SVEP1: variants seen among roughly 807,000 people sequenced by gnomAD.
The protein encoded by SVEP1 is sushi, von Willebrand factor type A, EGF and pentraxin domain-containing protein 1.
A neutral mutation model predicts 367.3 loss-of-function variants in SVEP1; 164 were observed. That is an observed-to-expected ratio of 0.45 (90% CI 0.39 to 0.51). SVEP1 has a LOEUF of 0.51. SVEP1 is among the 20% of genes least tolerant of loss of function. The pLI is 0.00. For synonymous variants in SVEP1, 1,666 were observed against 1,611.6 expected (o/e 1.03, Z -0.81); for missense variants, 4,117 against 4,425.3 (o/e 0.93, Z 1.98).
At position 110,431,822 on chromosome 9, in the gene SVEP1, C is replaced by T. The variant is rs917721334; in HGVS notation, c.5353+93G>A. The T allele has an allele frequency of 4.0e-6, 6 of 1,510,372 alleles. No individual in the cohort carries two copies. In the East Asian group the frequency reaches 7.2e-5, roughly 18 times the overall value. 93.6% of individuals were successfully genotyped at this position (1,510,372 alleles called of 1,614,324 possible). On this transcript the variant is annotated intron_variant, in intron 32 of 47. Coordinates refer to ENST00000374469, the MANE Select transcript of SVEP1 (RefSeq NM_153366.4). ...ACCTGTATGCCCTTTGAAGTTGAAACAATTATCTCACTTAGAAATAACATA... is the reference window on the plus strand; with the variant it reads ...ACCTGTATGCCCTTTGAAGTTGAAATAATTATCTCACTTAGAAATAACATA...
Position 110,369,981 on chromosome 9 carries a change from A to G in SVEP1, c.10636T>C (p.Cys3546Arg), listed in dbSNP as rs773410490. ...CQSPCLNGGK[C>R]VRPNRCHCLS... Reference sequence around the variant, plus strand: ...CAGTGACATCGGTTTGGTCTTACACATTTTCCACCATTTAAGCAGGGAGAC... The same window carrying G: ...CAGTGACATCGGTTTGGTCTTACACGTTTTCCACCATTTAAGCAGGGAGAC... The change falls in exon 47 of 48, where the codon TGT (cysteine) becomes CGT (arginine). Residue 3546 changes from cysteine (C) to arginine (R), a missense_variant. Physicochemically the swap from Cys to Arg is radical, Grantham distance 180 (BLOSUM62 -3). Transcript: ENST00000374469. 2.5e-6 allele frequency: 4 copies of G among 1,613,118 alleles called. No individual in the cohort carries two copies. In the African/African-American group the frequency reaches 5.3e-5, roughly 22 times the overall value.
In SVEP1 at chr9:110,471,613, A is replaced by C. The variant is rs773950167; in HGVS notation, c.2765-16T>G. On this transcript the variant is annotated splice_polypyrimidine_tract_variant and intron_variant, in intron 15 of 47. Coordinates refer to ENST00000374469, the MANE Select transcript of SVEP1 (RefSeq NM_153366.4). Reference sequence around the variant, plus strand: ...GGCACACTAGCTGAGATAAAAACAAAATAAAACACAACACAAACACATGGT... The same window carrying C: ...GGCACACTAGCTGAGATAAAAACAACATAAAACACAACACAAACACATGGT... 2 of 1,581,652 alleles carry C rather than the reference A, an allele frequency of 1.3e-6. No individual in the cohort carries two copies. The highest frequency in any genetic ancestry group is 1.7e-6 in the Non-Finnish European group (2 of 1,154,352).
intron 36 of SVEP1, among the ~76,000 whole-genome samples, chr9:110,423,860 C>T (rs185621220): frequency 6.6e-6 from 1 of 152,220 alleles, no homozygotes; most frequent in Non-Finnish European, 1.5e-5. Context: ...CTTTCAATAA[C>T]CCTTTGGAAG....
At chr9:110,437,187 T>C (rs79906197) in intron 27 of SVEP1, among the ~76,000 whole-genome samples, 5,399 of 152,122 alleles carry the variant, frequency 0.035, 90 homozygotes, top group Middle Eastern at 0.058. Flanking sequence ...CAGCATGAGA[T>C]AAGAAAAAGG....
chr9:110,556,047 A>T (rs1207784635), intron 1 of SVEP1, among the ~76,000 whole-genome samples: 1 of 152,218 alleles, frequency 6.6e-6, no homozygotes, highest in Non-Finnish European at 1.5e-5. Flanking sequence ...TGAATGAGAC[A>T]AACCCTCTGC....
intron 35 of SVEP1, among the ~76,000 whole-genome samples, chr9:110,428,427 C>CACAT (rs1554714275): frequency 1.0e-5 from 1 of 98,028 alleles, no homozygotes; most frequent in African/African-American, 4.2e-5. Context: ...CACACACACA[C>CACAT]ACCATTAATC....
intron 36 of SVEP1, among the ~76,000 whole-genome samples, chr9:110,412,970 G>T (rs1828065691): frequency 6.6e-6 from 1 of 151,502 alleles, no homozygotes. Context: ...AACCATTGTG[G>T]AAGTCAGTGT....
intron 1 of SVEP1, among the ~76,000 whole-genome samples, chr9:110,558,866 A>G (rs1403086512): frequency 6.6e-6 from 1 of 152,122 alleles, no homozygotes; most frequent in Non-Finnish European, 1.5e-5. Context: ...TTTCTCGTTT[A>G]TGTGATAAGG....
chr9:110,484,201 C>G (rs73655379), intron 9 of SVEP1, among the ~76,000 whole-genome samples: 4,282 of 152,152 alleles, frequency 0.028, 192 homozygotes, highest in African/African-American at 0.098. Context: ...GTGTGAGTGG[C>G]CTATTGCTGG....
intron 38 of SVEP1, 40 bp from the exon 39 acceptor site, chr9:110,404,592 A>C (rs142858675): frequency 6.4e-7 from 1 of 1,567,770 alleles, no homozygotes; most frequent in Non-Finnish European, 8.8e-7. Context: ...TAAATGAAGT[A>C]CAATATAGTT....
intron 3 of SVEP1, among the ~76,000 whole-genome samples, chr9:110,528,156 G>GTGTGTGTGTGTATATATA: frequency 1.6e-3 from 54 of 33,928 alleles, no homozygotes; most frequent in Non-Finnish European, 2.3e-3. Context: ...GTGTGTGTGT[G>GTGTGTGTGTGTATATATA]TATATATATA....
At chr9:110,509,130 C>A (rs752679738) in intron 5 of SVEP1, among the ~76,000 whole-genome samples, 3 of 152,150 alleles carry the variant, frequency 2.0e-5, no homozygotes, top group Admixed American at 6.5e-5. Context: ...TTGTAAGACA[C>A]AACATTATTT....
intron 36 of SVEP1, among the ~76,000 whole-genome samples, chr9:110,425,983 A>G (rs1420815709): frequency 1.3e-5 from 2 of 152,198 alleles, no homozygotes; most frequent in African/African-American, 2.4e-5. Flanking sequence ...GCAATAGTCA[A>G]TATCTAGATA....
At position 110,411,258 on chromosome 9, in the gene SVEP1, G is replaced by T; in HGVS notation, c.6453C>A (p.Ser2151Arg). The change falls in exon 37 of 48, where the codon AGC becomes AGA. Residue 2151 changes from serine to arginine, a missense_variant. By Grantham distance (110) the Ser-to-Arg change is moderately radical. Transcript: ENST00000374469. ...CIPVRCGEPPSIMNGYASGSN... is the reference protein window; with the variant it reads ...CIPVRCGEPPRIMNGYASGSN... ...ATCCACTTGCATAGCCATTCATGATGCTTGGTGGCTCTCCACACCGCACAG... is the reference window on the plus strand; with the variant it reads ...ATCCACTTGCATAGCCATTCATGATTCTTGGTGGCTCTCCACACCGCACAG... The T allele has an allele frequency of 6.2e-7, 1 of 1,614,024 alleles. No homozygotes were observed. Among genetic ancestry groups the T allele is most frequent in the Non-Finnish European group, 8.5e-7 (1 of 1,179,894 alleles).
At chr9:110,439,189 G>T (rs528856538) in intron 27 of SVEP1, among the ~76,000 whole-genome samples, 2 of 152,058 alleles carry the variant, frequency 1.3e-5, no homozygotes, top group African/African-American at 2.4e-5. Context: ...GTTCATGAGG[G>T]TAGGGCCCAC....
At chr9:110,542,289 T>A (rs547461532) in intron 3 of SVEP1, among the ~76,000 whole-genome samples, 1 of 152,268 alleles carries the variant, frequency 6.6e-6, no homozygotes, top group Non-Finnish European at 1.5e-5. Context: ...TATGTTATCT[T>A]GAGCAACATA....
chr9:110,489,893 A>G, intron 8 of SVEP1, 114 bp from the exon 9 acceptor site: 1 of 1,299,054 alleles, frequency 7.7e-7, no homozygotes. Flanking sequence ...CAAAGAGGAA[A>G]GGAAAAAGGC....
At chr9:110,504,824 C>T (rs1412580221) in intron 5 of SVEP1, among the ~76,000 whole-genome samples, 1 of 152,074 alleles carries the variant, frequency 6.6e-6, no homozygotes, top group Non-Finnish European at 1.5e-5. Flanking sequence ...TTAACTCTTC[C>T]TTTGTTAATT....
At position 110,375,561 on chromosome 9, in the gene SVEP1, AT is replaced by A. The variant is rs1827339951; in HGVS notation, c.10505-99del. 3 of 1,117,642 alleles carry A rather than the reference AT, an allele frequency of 2.7e-6. No homozygotes were observed. The South Asian group carries it at 4.9e-5, about 18-fold the overall frequency. 69.2% of individuals were successfully genotyped at this position (1,117,642 alleles called of 1,614,324 possible). On this transcript the variant is annotated intron_variant, in intron 45 of 47. Coordinates refer to ENST00000374469, the MANE Select transcript of SVEP1 (RefSeq NM_153366.4). ...AGATAGGTTCAAGGGTTCAGAAAAC[AT>A]TTTGCAGGAGTGAAACCTTATATGA... is the stretch of plus-strand genomic sequence containing the variant.
Sources: allele counts gnomAD v4.1 joint callset (sites outside exome capture counted in the v4.1 genomes callset), GRCh38; gene constraint gnomAD v4.1.1; transcripts MANE v1.5; gene names NCBI Gene and HGNC (gene_info 2026-07-23, HGNC 2026-07-21).